Variants in ROBO2 observed in about 807,000 individuals in gnomAD.
ROBO2 encodes the protein roundabout guidance receptor 2.
A neutral mutation model predicts 160.8 loss-of-function variants in ROBO2; 53 were observed. The observed-to-expected ratio is 0.33, with a 90% CI of 0.26 to 0.41. The LOEUF (loss-of-function observed/expected upper bound fraction) is 0.41, where lower values mean the gene tolerates loss of function less well. Among genes scored for constraint, ROBO2 ranks in the 10% least tolerant of loss-of-function variants. ROBO2 has a pLI of 1.00. For missense variants in ROBO2, 1,577 were observed against 1,722.4 expected (o/e 0.92, Z 1.49); for synonymous variants, 664 against 611.7 (o/e 1.09, Z -1.26).
At chr3:76,192,529 CA>C (rs753109588) in intron 2 of ROBO2, among the ~76,000 whole-genome samples, 6,627 of 61,178 alleles carry the variant, frequency 0.11, 337 homozygotes, top group East Asian at 0.4. Context: ...CTCCACCACA[CA>C]CACACACACA....
At chr3:76,463,332 A>G (rs1421959474) in intron 2 of ROBO2, among the ~76,000 whole-genome samples, 1 of 152,006 alleles carries the variant, frequency 6.6e-6, no homozygotes, top group African/African-American at 2.4e-5. Flanking sequence ...TAAAGATAGC[A>G]GTCACTTGCA....
intron 2 of ROBO2, among the ~76,000 whole-genome samples, chr3:76,610,228 C>G (rs1410568977): frequency 2.0e-5 from 3 of 152,136 alleles, no homozygotes; most frequent in African/African-American, 7.2e-5. Context: ...GGTAATGTTA[C>G]AGGATTCCTT....
intron 2 of ROBO2, among the ~76,000 whole-genome samples, chr3:76,953,722 T>C (rs2079085665): frequency 6.6e-6 from 1 of 152,188 alleles, no homozygotes; most frequent in Admixed American, 6.5e-5. Context: ...TACCATTAGC[T>C]GTGAAGAAAG....
chr3:77,518,002 A>G (rs1265489663), intron 5 of ROBO2, among the ~76,000 whole-genome samples: 1 of 151,546 alleles, frequency 6.6e-6, no homozygotes, highest in Non-Finnish European at 1.5e-5. Flanking sequence ...GTTATTAGGA[A>G]TAGTTGACCT....
intron 2 of ROBO2, among the ~76,000 whole-genome samples, chr3:77,392,677 A>G (rs1318918163): frequency 6.6e-6 from 1 of 152,192 alleles, no homozygotes; most frequent in East Asian, 1.9e-4. Flanking sequence ...AGTTGTTCGA[A>G]CATGAGTCTG....
intron 2 of ROBO2, among the ~76,000 whole-genome samples, chr3:77,181,859 C>T (rs999941401): frequency 1.3e-5 from 2 of 151,992 alleles, no homozygotes; most frequent in Non-Finnish European, 2.9e-5. Context: ...TGCACCAAGT[C>T]CAATAAACTT....
intron 5 of ROBO2, among the ~76,000 whole-genome samples, chr3:77,505,609 A>G (rs2088385597): frequency 6.6e-6 from 1 of 152,192 alleles, no homozygotes; most frequent in African/African-American, 2.4e-5. Flanking sequence ...ATGATATGCC[A>G]TCTATGATAA....
chr3:76,816,681 A>T (rs1481848814), intron 2 of ROBO2, among the ~76,000 whole-genome samples: 8 of 151,980 alleles, frequency 5.3e-5, no homozygotes, highest in Admixed American at 5.3e-4. Flanking sequence ...AAGGATTTAG[A>T]ACTAGAAATA....
At chr3:77,300,326 T>A (rs1292141694) in intron 2 of ROBO2, among the ~76,000 whole-genome samples, 1 of 152,072 alleles carries the variant, frequency 6.6e-6, no homozygotes, top group Non-Finnish European at 1.5e-5. Flanking sequence ...ATAGAGCAGC[T>A]ACTCAGAATT....
In ROBO2 at chr3:76,720,957, T is replaced by C. The variant is rs149708132; in HGVS notation, c.110-377057T>C. Among the ~76,000 whole-genome samples the C allele has an allele frequency of 6.6e-3, 1,005 of 152,274 alleles. 12 individuals carry two copies. Among genetic ancestry groups the C allele is most frequent in the Non-Finnish European group, 6.1e-3 (416 of 68,030 alleles). On this transcript the variant is annotated intron_variant, in intron 2 of 26. Coordinates refer to the ROBO2 transcript ENST00000487694. ...CGACACACAAAAATATCCCAAGTAG[T>C]GTATCAAAAGCTTTTTTAGTGCACG...
intron 2 of ROBO2, among the ~76,000 whole-genome samples, chr3:76,943,163 G>A (rs1279829112): frequency 6.6e-6 from 1 of 152,098 alleles, no homozygotes; most frequent in Non-Finnish European, 1.5e-5. Context: ...TTTCTTCAGT[G>A]GGTTGACTTT....
chr3:75,945,102 G>T (rs1166675953), intron 2 of ROBO2, among the ~76,000 whole-genome samples: 2 of 152,104 alleles, frequency 1.3e-5, no homozygotes, highest in Non-Finnish European at 2.9e-5. Context: ...TACTTATGAA[G>T]TGTTTACTTT....
chr3:76,925,622 T>G (rs768036217), intron 2 of ROBO2, among the ~76,000 whole-genome samples: 2 of 152,174 alleles, frequency 1.3e-5, no homozygotes, highest in Non-Finnish European at 2.9e-5. Flanking sequence ...GCAATGCACT[T>G]TTCATATTCA....
chr3:77,040,329 A>G (rs2063966130), exon 1 of ROBO2: 1 of 995,480 alleles, frequency 1.0e-6, no homozygotes, highest in Non-Finnish European at 1.2e-6. Flanking sequence ...AAACCGGGGG[A>G]AAGAAAACCA....
chr3:76,435,019 T>A, intron 2 of ROBO2: 4 of 1,447,282 alleles, frequency 2.8e-6, no homozygotes, highest in Non-Finnish European at 2.9e-6. Flanking sequence ...GTTTCCAACC[T>A]GGTGATTGAG....
chr3:76,786,689 C>A (rs1268795993), intron 2 of ROBO2, among the ~76,000 whole-genome samples: 1 of 150,716 alleles, frequency 6.6e-6, no homozygotes, highest in Non-Finnish European at 1.5e-5. Context: ...ATGCCTTAGG[C>A]AACGAGTAAG....
chr3:76,655,159 T>C (rs1180965529), intron 2 of ROBO2, among the ~76,000 whole-genome samples: 1 of 150,082 alleles, frequency 6.7e-6, no homozygotes, highest in Non-Finnish European at 1.5e-5. Context: ...CTATTAATAT[T>C]CGCAGGGGTG....
At chr3:76,106,820 T>C (rs2069956142) in intron 2 of ROBO2, among the ~76,000 whole-genome samples, 1 of 152,136 alleles carries the variant, frequency 6.6e-6, no homozygotes, top group Non-Finnish European at 1.5e-5. Flanking sequence ...CCCTTTTCTG[T>C]CTGATGAATA....
chr3:76,856,377 A>G (rs1364421170), intron 2 of ROBO2, among the ~76,000 whole-genome samples: 1 of 152,220 alleles, frequency 6.6e-6, no homozygotes, highest in Non-Finnish European at 1.5e-5. Flanking sequence ...CTACAGTGGA[A>G]CAAATGAACA....
Sources: gnomAD v4.1 joint callset for allele counts (sites outside exome capture counted in the v4.1 genomes callset) on GRCh38, gnomAD v4.1.1 for gene constraint, MANE v1.5 for transcripts, NCBI Gene and HGNC (gene_info 2026-07-23, HGNC 2026-07-21) for gene names.